ATG7: variants seen among roughly 807,000 people sequenced by gnomAD.
The protein encoded by ATG7 is autophagy related 7.
A neutral mutation model predicts 82.4 loss-of-function variants in ATG7; 70 were observed. The observed-to-expected ratio is 0.85, with a 90% CI of 0.70 to 1.04. The LOEUF (loss-of-function observed/expected upper bound fraction) is 1.04. Among genes scored for constraint, ATG7 ranks in the 50% least tolerant of loss-of-function variants. The probability of loss-of-function intolerance (pLI) is 0.00; values close to 1 mark genes in which losing one functional copy is unlikely to be tolerated. For synonymous variants in ATG7, 287 were observed against 313.0 expected (o/e 0.92, Z 0.88); for missense variants, 792 against 864.3 (o/e 0.92, Z 1.05).
chr3:11,392,475 A>C (rs76289547), intron 19 of ATG7, among the ~76,000 whole-genome samples: 25 of 92,366 alleles, frequency 2.7e-4, no homozygotes, highest in East Asian at 1.8e-3. Context: ...AACAAACAAA[A>C]AAAACAAAAC....
intron 20 of ATG7, among the ~76,000 whole-genome samples, chr3:11,514,739 C>T (rs1215673878): frequency 6.6e-6 from 1 of 152,156 alleles, no homozygotes; most frequent in Non-Finnish European, 1.5e-5. Flanking sequence ...ACAAATTAAT[C>T]AATCCCCTGG....
intron 20 of ATG7, among the ~76,000 whole-genome samples, chr3:11,520,404 G>A (rs2092409898): frequency 6.6e-6 from 1 of 152,180 alleles, no homozygotes; most frequent in South Asian, 2.1e-4. Context: ...TATTTTGAGG[G>A]ATATTTTGAG....
At chr3:11,448,792 G>T (rs2084825458) in intron 20 of ATG7, among the ~76,000 whole-genome samples, 1 of 152,130 alleles carries the variant, frequency 6.6e-6, no homozygotes, top group Non-Finnish European at 1.5e-5. Context: ...GTGGGTAAGG[G>T]GGTCGCTGTT....
At chr3:11,500,776 G>A (rs535309742) in intron 20 of ATG7, among the ~76,000 whole-genome samples, 7 of 152,230 alleles carry the variant, frequency 4.6e-5, no homozygotes, top group African/African-American at 9.6e-5. Context: ...GACTACAGGC[G>A]TGCGCCACCA....
intron 20 of ATG7, among the ~76,000 whole-genome samples, chr3:11,546,439 T>C (rs546544443): frequency 6.6e-6 from 1 of 152,332 alleles, no homozygotes; most frequent in African/African-American, 2.4e-5. Context: ...CCCAAAATGT[T>C]GGGATTACAG....
chr3:11,573,887 C>T, the ATG7 span, among the ~76,000 whole-genome samples: 11 of 152,132 alleles, frequency 7.2e-5, no homozygotes, highest in Non-Finnish European at 1.5e-4. Flanking sequence ...GTTATGAGGG[C>T]GTGCTCTAAT....
chr3:11,527,208 A>G (rs1348503323), intron 20 of ATG7, among the ~76,000 whole-genome samples: 2 of 151,846 alleles, frequency 1.3e-5, no homozygotes, highest in Non-Finnish European at 2.9e-5. Context: ...AAGTTTGAGC[A>G]GTTCTCCTGC....
At chr3:11,569,284 G>C in the ATG7 span, among the ~76,000 whole-genome samples, 14 of 152,232 alleles carry the variant, frequency 9.2e-5, no homozygotes, top group African/African-American at 3.1e-4. Context: ...ACTGATCTGA[G>C]TCTGAGTTCC....
At chr3:11,551,484 A>C (rs2071775285) in intron 20 of ATG7, among the ~76,000 whole-genome samples, 1 of 152,186 alleles carries the variant, frequency 6.6e-6, no homozygotes, top group African/African-American at 2.4e-5. Context: ...TCCAGGAGAG[A>C]TTCTTCTAGG....
At chr3:11,357,255 T>A (rs1299410628) in intron 14 of ATG7, among the ~76,000 whole-genome samples, 3 of 152,202 alleles carry the variant, frequency 2.0e-5, no homozygotes, top group African/African-American at 7.2e-5. Context: ...CTGGCTTCAT[T>A]AGCACCCATA....
intron 11 of ATG7, among the ~76,000 whole-genome samples, chr3:11,338,118 C>T (rs182834693): frequency 2.0e-5 from 3 of 152,278 alleles, no homozygotes; most frequent in African/African-American, 7.2e-5. Flanking sequence ...CCACCCTTCA[C>T]CCTCAAGTAG....
intron 3 of ATG7, among the ~76,000 whole-genome samples, chr3:11,283,284 C>G (rs931229424): frequency 2.0e-5 from 3 of 152,090 alleles, no homozygotes; most frequent in African/African-American, 7.2e-5. Flanking sequence ...TCATAGTGAG[C>G]ATGGGGAAGG....
chr3:11,406,543 A>G lies in ATG7; in HGVS notation c.1957-20261A>G, dbSNP rs1291731095. ...GGCTGGCCTTGAACTCATGGCTTCA[A>G]GCAGTCCTCTTGCCTCGGCCTCTGT... On this transcript the variant is annotated intron_variant, in intron 19 of 20. Transcript: ENST00000693202. Among the ~76,000 whole-genome samples, 5 of 152,338 alleles carry G rather than the reference A, an allele frequency of 3.3e-5. No homozygotes were observed. In the East Asian group the frequency reaches 9.6e-4, roughly 29 times the overall value.
chr3:11,350,462 C>A (rs2075451946), intron 14 of ATG7, among the ~76,000 whole-genome samples: 1 of 152,132 alleles, frequency 6.6e-6, no homozygotes, highest in Non-Finnish European at 1.5e-5. Context: ...CTCAATAAGC[C>A]ACATAACTTC....
At chr3:11,564,106 T>C in the ATG7 span, among the ~76,000 whole-genome samples, 1 of 152,120 alleles carries the variant, frequency 6.6e-6, no homozygotes, top group Non-Finnish European at 1.5e-5. Context: ...TCCCTGGAGA[T>C]TCGGAGAGCT....
At chr3:11,345,819 T>C (rs1003078949) in intron 13 of ATG7, among the ~76,000 whole-genome samples, 7 of 152,202 alleles carry the variant, frequency 4.6e-5, no homozygotes, top group Non-Finnish European at 8.8e-5. Flanking sequence ...TTTTCTAGGT[T>C]CTAGAATTTT....
At chr3:11,289,374 A>T (rs533940303) in intron 3 of ATG7, among the ~76,000 whole-genome samples, 1 of 152,194 alleles carries the variant, frequency 6.6e-6, no homozygotes, top group African/African-American at 2.4e-5. Context: ...ATAGACGTGT[A>T]TGTTCCTAAG....
At chr3:11,340,491 G>A (rs956306818) in intron 11 of ATG7, among the ~76,000 whole-genome samples, 154 bp from the exon 12 acceptor site, 1 of 152,064 alleles carries the variant, frequency 6.6e-6, no homozygotes, top group Non-Finnish European at 1.5e-5. Context: ...TGGAAATTCA[G>A]GCCCTCAAGT....
intron 5 of ATG7, among the ~76,000 whole-genome samples, chr3:11,304,251 C>G (rs1690127101): frequency 6.6e-6 from 1 of 152,180 alleles, no homozygotes; most frequent in Non-Finnish European, 1.5e-5. Flanking sequence ...TTCTTATTCT[C>G]TGCTGTATCA....
Sources: gnomAD v4.1 joint callset for allele counts (sites outside exome capture counted in the v4.1 genomes callset) on GRCh38, gnomAD v4.1.1 for gene constraint, MANE v1.5 for transcripts, NCBI Gene and HGNC (gene_info 2026-07-23, HGNC 2026-07-21) for gene names.